PRR5L: variants seen among roughly 807,000 people sequenced by gnomAD.
PRR5L encodes proline rich 5 like.
PRR5L carries 21 observed loss-of-function variants against 36.4 expected under a neutral mutation model. That is an observed-to-expected ratio of 0.58 (90% CI 0.41 to 0.83). PRR5L has a LOEUF of 0.83. PRR5L is among the 40% of genes least tolerant of loss of function. The pLI is 0.00. For missense variants in PRR5L, 381 were observed against 473.3 expected, an observed-to-expected ratio of 0.80 and a Z score of 1.81; for synonymous variants, 188 against 197.0, an observed-to-expected ratio of 0.95 and a Z score of 0.38.
intron 1 of PRR5L, among the ~76,000 whole-genome samples, chr11:36,323,056 T>G (rs556835920): frequency 6.6e-6 from 1 of 152,158 alleles, no homozygotes; most frequent in African/African-American, 2.4e-5. Flanking sequence ...CCAGCCCCCA[T>G]AACTGACAGA....
chr11:36,370,747 G>A (rs1857189182), intron 1 of PRR5L, among the ~76,000 whole-genome samples: 1 of 152,018 alleles, frequency 6.6e-6, no homozygotes, highest in South Asian at 2.1e-4. Flanking sequence ...TGGGTGTGGT[G>A]GCAGGCACCT....
At chr11:36,413,834 G>T (rs1353559432) in intron 3 of PRR5L, among the ~76,000 whole-genome samples, 1 of 147,776 alleles carries the variant, frequency 6.8e-6, no homozygotes, top group African/African-American at 2.5e-5. Context: ...TTAGCATTAG[G>T]TATATCTCCT....
intron 1 of PRR5L, among the ~76,000 whole-genome samples, chr11:36,399,350 G>A (rs959270766): frequency 2.0e-5 from 3 of 152,232 alleles, no homozygotes; most frequent in Non-Finnish European, 4.4e-5. Context: ...CTGCCTCTTC[G>A]TATTACAAGT....
At chr11:36,355,829 C>CT (rs1857021599) in intron 1 of PRR5L, among the ~76,000 whole-genome samples, 1 of 151,950 alleles carries the variant, frequency 6.6e-6, no homozygotes, top group Non-Finnish European at 1.5e-5. Context: ...TCCCAGAGTG[C>CT]TGGGATTACA....
Position 36,462,670 on chromosome 11 carries a change from C to T in PRR5L, c.1041C>T (p.Asp347=), listed in dbSNP as rs774109936. The T allele has an allele frequency of 2.1e-5, 34 of 1,608,546 alleles. No individual in the cohort carries two copies. In the Admixed American group the frequency reaches 2.3e-4, roughly 11 times the overall value. ...AGCCCAACATCACTGACAACCCTGA[C>T]GGACTGGAGGAGGGGGCCAGGGGCA... is the stretch of plus-strand genomic sequence containing the variant. The part of the protein sequence containing the change: ...SSEPNITDNP[D]GLEEGARGSQ... The change falls in exon 9 of 9, where the codon GAC becomes GAT. Residue 347 remains aspartate, a synonymous_variant. Transcript: ENST00000530639.
chr11:36,362,300 A>C (rs1857098348), intron 1 of PRR5L: 2 of 151,644 alleles, frequency 1.3e-5, no homozygotes. Context: ...CTTTTTGAGG[A>C]CCCTATTCCT....
At chr11:36,330,717 T>G (rs771907911) in intron 1 of PRR5L, among the ~76,000 whole-genome samples, 1 of 152,352 alleles carries the variant, frequency 6.6e-6, no homozygotes, top group South Asian at 2.1e-4. Context: ...CTGTGACATA[T>G]TAATACAACA....
chr11:36,341,096 G>A (rs927805124), intron 1 of PRR5L, among the ~76,000 whole-genome samples: 11 of 152,104 alleles, frequency 7.2e-5, no homozygotes, highest in African/African-American at 2.7e-4. Context: ...TATGAAACAT[G>A]GTGCTGGACT....
intron 8 of PRR5L, chr11:36,454,954 A>G (rs1859021914): frequency 6.6e-6 from 1 of 151,968 alleles, no homozygotes; most frequent in African/African-American, 2.4e-5. Flanking sequence ...TAAAAGGCCG[A>G]CTCCTCAGAG....
Position 36,302,061 on chromosome 11 carries a change from C to G in PRR5L, c.-126+5623C>G, listed in dbSNP as rs150789910. Among the ~76,000 whole-genome samples the G allele has an allele frequency of 2.6e-4, 39 of 152,254 alleles. 1 individual carries two copies. In the East Asian group the frequency reaches 4.4e-3, roughly 17 times the overall value. On this transcript the variant is annotated intron_variant, in intron 1 of 8. Transcript: ENST00000530639. ...TGGGAGTATATGGGAGTTTACTGTA[C>G]TGTTATTGCACTGTGCTTTTGGCTT... is the stretch of plus-strand genomic sequence containing the variant.
At chr11:36,325,989 C>CA (rs924793303) in intron 1 of PRR5L, among the ~76,000 whole-genome samples, 4 of 152,054 alleles carry the variant, frequency 2.6e-5, no homozygotes, top group African/African-American at 4.8e-5. Context: ...AAGCGGTAAA[C>CA]ATTTTTATTA....
chr11:36,442,201 G>A (rs1858736172), intron 6 of PRR5L, among the ~76,000 whole-genome samples: 1 of 152,106 alleles, frequency 6.6e-6, no homozygotes, highest in Non-Finnish European at 1.5e-5. Flanking sequence ...TCACTGCATG[G>A]CCAGGCTGCA....
chr11:36,356,383 G>A (rs1330525301), intron 1 of PRR5L, among the ~76,000 whole-genome samples: 1 of 152,128 alleles, frequency 6.6e-6, no homozygotes, highest in Non-Finnish European at 1.5e-5. Context: ...AAAGTACTGG[G>A]GTGGCAGCCA....
At chr11:36,419,391 A>G in intron 4 of PRR5L, 88 bp downstream of exon 4, 1 of 1,171,486 alleles carries the variant, frequency 8.5e-7, no homozygotes, top group Non-Finnish European at 1.3e-6. Flanking sequence ...ACAGTTGGAC[A>G]TTCCTTCAAC....
chr11:36,376,366 GGAGGA>G, intron 1 of PRR5L: 1 of 1,159,230 alleles, frequency 8.6e-7, no homozygotes. Context: ...AGGAGGAGGA[GGAGGA>G]GGAGGCGGCC....
chr11:36,430,560 A>C (rs1858472584), intron 4 of PRR5L, among the ~76,000 whole-genome samples: 1 of 152,210 alleles, frequency 6.6e-6, no homozygotes, highest in South Asian at 2.1e-4. Context: ...ACATTTTATA[A>C]AGGCCCATTC....
At chr11:36,362,525 G>C (rs1399190209) in intron 1 of PRR5L, among the ~76,000 whole-genome samples, 2 of 152,116 alleles carry the variant, frequency 1.3e-5, no homozygotes, top group East Asian at 3.9e-4. Flanking sequence ...CTCCAAAAAA[G>C]GACGTTTTAG....
chr11:36,457,561 G>T lies in PRR5L; in HGVS notation c.713-4781G>T, dbSNP rs142994265. On this transcript the variant is annotated intron_variant, in intron 8 of 8. Transcript: ENST00000530639. Reference sequence around the variant, plus strand: ...GCAGCGCTTGTAGTGAGCCAAGTTCGCGCCACTGCACTCCAGCCTGGGCAA... The same window carrying T: ...GCAGCGCTTGTAGTGAGCCAAGTTCTCGCCACTGCACTCCAGCCTGGGCAA... Among the ~76,000 whole-genome samples, 1,189 of 151,352 alleles carry T rather than the reference G, an allele frequency of 7.9e-3. 16 individuals are homozygous for T. The highest frequency in any genetic ancestry group is 0.019 in the South Asian group (90 of 4,792).
rs563283411 is a variant in PRR5L, at chr11:36,315,789, T to A, written c.-126+19351T>A. The stretch of plus-strand genomic sequence containing the variant: ...ATTTAATGTGATGTTGTAAAGGATA[T>A]GCAAAAACCAATATTGTGCTGTGTG... On this transcript the variant is annotated intron_variant, in intron 1 of 8. Coordinates refer to ENST00000530639, the MANE Select transcript of PRR5L (RefSeq NM_001160167.2). 6.6e-5 allele frequency among the ~76,000 whole-genome samples: 10 copies of A among 152,362 alleles called. No individual in the cohort carries two copies. In the East Asian group the frequency reaches 1.9e-3, roughly 29 times the overall value.
Sources: gnomAD v4.1 joint callset for allele counts (sites outside exome capture counted in the v4.1 genomes callset) on GRCh38, gnomAD v4.1.1 for gene constraint, MANE v1.5 for transcripts, NCBI Gene and HGNC (gene_info 2026-07-23, HGNC 2026-07-21) for gene names.